Variants in DIP2C observed in about 807,000 individuals in gnomAD.
The protein encoded by DIP2C is DIP2 acetate--CoA ligase C (putative), also known as disco-interacting protein 2 homolog C.
DIP2C carries 33 observed loss-of-function variants against 192.4 expected under a neutral mutation model. That is an observed-to-expected ratio of 0.17 (90% CI 0.13 to 0.23). The LOEUF is 0.23. Ranked by LOEUF, DIP2C falls within the 10% of genes least tolerant of loss-of-function variation. DIP2C has a pLI of 1.00. For synonymous variants in DIP2C, 979 were observed against 864.1 expected (o/e 1.13, Z -2.33); for missense variants, 1,537 against 2,110.1 (o/e 0.73, Z 5.32).
chr10:584,115 G>A (rs1850832291), intron 1 of DIP2C, among the ~76,000 whole-genome samples: 1 of 152,008 alleles, frequency 6.6e-6, no homozygotes, highest in South Asian at 2.1e-4. Flanking sequence ...GTCTCCCCAG[G>A]GCTGAGACTA....
At position 382,739 on chromosome 10, in the gene DIP2C, T is replaced by G. The variant is rs140993934; in HGVS notation, c.1899A>C (p.Ala633=). The G allele has an allele frequency of 6.2e-7, 1 of 1,613,042 alleles. No homozygotes were observed. Among genetic ancestry groups the G allele is most frequent in the Non-Finnish European group, 8.5e-7 (1 of 1,179,620 alleles). Residue 633 remains alanine, a synonymous_variant, in exon 17 of 37, where the codon GCA becomes GCC. Transcript: ENST00000280886. ...CTTTACTTTGGAAGACATTGAGAAA[T>G]GCATCGCAAGAAGAAATAGACCCTA... ...ANPWSISSCD[A]FLNVFQSKGL...
At chr10:449,481 T>G (rs1241295064) in intron 3 of DIP2C, among the ~76,000 whole-genome samples, 10 of 151,988 alleles carry the variant, frequency 6.6e-5, no homozygotes. Context: ...TACTCTTAAA[T>G]AATTTATCAA....
At chr10:352,670 G>C (rs960392832) in intron 24 of DIP2C, among the ~76,000 whole-genome samples, 6 of 152,192 alleles carry the variant, frequency 3.9e-5, no homozygotes, top group Non-Finnish European at 8.8e-5. Flanking sequence ...CGAGGTGAGT[G>C]AACACTGGAC....
chr10:341,121 G>A, intron 29 of DIP2C, 78 bp downstream of exon 29: 1 of 1,599,804 alleles, frequency 6.3e-7, no homozygotes, highest in Non-Finnish European at 8.5e-7. Flanking sequence ...CAGTGCTTAG[G>A]TTGCCTGGCT....
intron 1 of DIP2C, among the ~76,000 whole-genome samples, chr10:555,354 A>G (rs898705436): frequency 6.6e-6 from 1 of 152,158 alleles, no homozygotes; most frequent in African/African-American, 2.4e-5. Flanking sequence ...TCATAAGGAC[A>G]ACATCGTGCG....
chr10:662,750 T>A (rs1856835628), intron 1 of DIP2C: 3 of 628,048 alleles, frequency 4.8e-6, no homozygotes, highest in Non-Finnish European at 8.9e-6. Context: ...GTTTCAAATC[T>A]AACTTATCTT....
intron 1 of DIP2C, among the ~76,000 whole-genome samples, chr10:607,057 C>T (rs554831672): frequency 2.6e-5 from 4 of 152,346 alleles, no homozygotes; most frequent in South Asian, 2.1e-4. Flanking sequence ...TGGCCCTTAA[C>T]GTCCGTACAT....
At position 327,785 on chromosome 10, in the gene DIP2C, G is replaced by A. The variant is rs1055804018; in HGVS notation, c.3754-609C>T. Among the ~76,000 whole-genome samples, 26 of 152,208 alleles carry A rather than the reference G, an allele frequency of 1.7e-4. 1 individual carries two copies. Among genetic ancestry groups the A allele is most frequent in the Middle Eastern group, 3.4e-3 (1 of 294 alleles). The stretch of plus-strand genomic sequence containing the variant: ...CAGTGCTCCATTTATGTCCCATTAC[G>A]CCAAGAATTTCTTCTCATTCTCAAG... On this transcript the variant is annotated intron_variant, in intron 30 of 36. Coordinates refer to ENST00000280886, the MANE Select transcript of DIP2C (RefSeq NM_014974.3).
intron 29 of DIP2C, 21 bp from the exon 30 acceptor site, chr10:329,622 G>A (rs767171649): frequency 6.2e-7 from 1 of 1,611,058 alleles, no homozygotes; most frequent in Non-Finnish European, 8.5e-7. Context: ...AGAAGAGGCT[G>A]TCAGGGCGGG....
intron 3 of DIP2C, among the ~76,000 whole-genome samples, chr10:469,660 G>C (rs1970475948): frequency 6.6e-6 from 1 of 152,112 alleles, no homozygotes; most frequent in East Asian, 1.9e-4. Flanking sequence ...AGGCATTCAG[G>C]GTTGTTTGGA....
Position 346,376 on chromosome 10 carries a change from GTATAGTT to G in DIP2C, c.3232-1273_3232-1267del, listed in dbSNP as rs1292829237. ...CACTCACCCAACCCAGACATATCGC[GTATAGTT>G]CTCCCGGAAACGTCACACACACCCA... On this transcript the variant is annotated intron_variant, in intron 26 of 36. Coordinates refer to ENST00000280886, the MANE Select transcript of DIP2C (RefSeq NM_014974.3). Among the ~76,000 whole-genome samples, 34 of 24,066 alleles carry G rather than the reference GTATAGTT, an allele frequency of 1.4e-3. 7 individuals are homozygous for G. Among genetic ancestry groups the G allele is most frequent in the Non-Finnish European group, 1.7e-3 (20 of 11,908 alleles). 15.8% of individuals were successfully genotyped at this position (24,066 alleles called of 152,430 possible).
intron 4 of DIP2C, among the ~76,000 whole-genome samples, chr10:431,225 G>A (rs1388033036): frequency 1.3e-5 from 2 of 152,012 alleles, no homozygotes; most frequent in African/African-American, 4.8e-5. Flanking sequence ...TTTTGAATCA[G>A]TGTGTTGATA....
intron 1 of DIP2C, among the ~76,000 whole-genome samples, chr10:638,996 G>A (rs1285258863): frequency 6.6e-6 from 1 of 152,200 alleles, no homozygotes; most frequent in Non-Finnish European, 1.5e-5. Flanking sequence ...GACGAGACAC[G>A]GAGCCCGCAC....
intron 3 of DIP2C, among the ~76,000 whole-genome samples, chr10:461,988 CAA>C (rs1424492843): frequency 6.6e-6 from 1 of 151,990 alleles, no homozygotes. Flanking sequence ...CCAATGAGAA[CAA>C]AAGACAATGT....
At chr10:589,643 T>TC (rs149761372) in intron 1 of DIP2C, among the ~76,000 whole-genome samples, 1 of 152,180 alleles carries the variant, frequency 6.6e-6, no homozygotes. Flanking sequence ...AACCCGTGTG[T>TC]CCCTCCTGAG....
At chr10:581,326 T>TG (rs1850643705) in intron 1 of DIP2C, among the ~76,000 whole-genome samples, 1 of 152,240 alleles carries the variant, frequency 6.6e-6, no homozygotes, top group Admixed American at 6.5e-5. Context: ...GCAAGTATGA[T>TG]GGTCAAACAG....
At chr10:335,900 T>C (rs1957743945) in intron 29 of DIP2C, among the ~76,000 whole-genome samples, 1 of 152,188 alleles carries the variant, frequency 6.6e-6, no homozygotes, top group African/African-American at 2.4e-5. Context: ...TTACAACCTG[T>C]TGCAATCTTT....
At chr10:650,106 G>A (rs751284780) in intron 1 of DIP2C, 21 of 716,886 alleles carry the variant, frequency 2.9e-5, no homozygotes, top group Middle Eastern at 2.3e-4. Context: ...CACCTCCTGC[G>A]GCCCATGGAG....
At chr10:561,313 G>A (rs1849203467) in intron 1 of DIP2C, among the ~76,000 whole-genome samples, 1 of 152,150 alleles carries the variant, frequency 6.6e-6, no homozygotes, top group East Asian at 1.9e-4. Context: ...GACTCACAAT[G>A]GATTGGAGGC....
Sources: gnomAD v4.1 joint callset for allele counts (sites outside exome capture counted in the v4.1 genomes callset) on GRCh38, gnomAD v4.1.1 for gene constraint, MANE v1.5 for transcripts, NCBI Gene and HGNC (gene_info 2026-07-23, HGNC 2026-07-21) for gene names.